HSD11B1: variants seen among roughly 807,000 people sequenced by gnomAD.
HSD11B1 encodes the protein 11-beta-hydroxysteroid dehydrogenase 1.
A neutral mutation model predicts 22.1 loss-of-function variants in HSD11B1; 15 were observed. The observed-to-expected ratio is 0.68, with a 90% confidence interval of 0.45 to 1.04. HSD11B1 has a LOEUF of 1.04. Ranked by LOEUF, HSD11B1 falls within the 50% of genes least tolerant of loss-of-function variation. HSD11B1 has a pLI of 0.00. For missense variants in HSD11B1, 281 were observed against 357.6 expected, an observed-to-expected ratio of 0.79 and a Z score of 1.73; for synonymous variants, 122 against 125.2, an observed-to-expected ratio of 0.97 and a Z score of 0.17.
chr1:209,690,731 A>C (rs541628842), intron 1 of HSD11B1, among the ~76,000 whole-genome samples: 54 of 152,226 alleles, frequency 3.5e-4, no homozygotes, highest in African/African-American at 1.2e-3. Flanking sequence ...ATTAAACTTA[A>C]GCATTGGAAG....
At chr1:209,708,656 T>A (rs2076875728) in intron 4 of HSD11B1, among the ~76,000 whole-genome samples, 1 of 152,232 alleles carries the variant, frequency 6.6e-6, no homozygotes, top group African/African-American at 2.4e-5. Context: ...TGTAGGTGGC[T>A]TTAATGATTT....
intron 1 of HSD11B1, among the ~76,000 whole-genome samples, chr1:209,688,541 T>G (rs1267083141): frequency 6.6e-6 from 1 of 152,218 alleles, no homozygotes; most frequent in African/African-American, 2.4e-5. Flanking sequence ...GTAAGTATTT[T>G]TTTAAATGGA....
intron 1 of HSD11B1, among the ~76,000 whole-genome samples, chr1:209,697,883 C>CTTTTTTTTTTT (rs1558187212): frequency 9.6e-4 from 21 of 21,906 alleles, no homozygotes; most frequent in Admixed American, 1.7e-3. Context: ...TTTGTTTTTT[C>CTTTTTTTTTTT]CTTTTTTTTT....
intron 4 of HSD11B1, among the ~76,000 whole-genome samples, chr1:209,722,110 T>C (rs2076970633): frequency 6.6e-6 from 1 of 152,162 alleles, no homozygotes; most frequent in South Asian, 2.1e-4. Context: ...CCTTCAACTG[T>C]GGATGTTCTT....
intron 4 of HSD11B1, among the ~76,000 whole-genome samples, chr1:209,719,019 C>CAAAAAA (rs56342028): frequency 4.8e-4 from 17 of 35,704 alleles, no homozygotes; most frequent in Non-Finnish European, 3.2e-4. Context: ...GACTCCATCT[C>CAAAAAA]AAAAAAAAAA....
intron 1 of HSD11B1, among the ~76,000 whole-genome samples, chr1:209,687,869 G>C (rs1218346020): frequency 1.3e-5 from 2 of 152,214 alleles, no homozygotes; most frequent in Non-Finnish European, 2.9e-5. Flanking sequence ...TAACTGTTAG[G>C]AGACTAGGGA....
chr1:209,695,525 A>T (rs2076785563), intron 1 of HSD11B1, among the ~76,000 whole-genome samples: 1 of 152,156 alleles, frequency 6.6e-6, no homozygotes, highest in Non-Finnish European at 1.5e-5. Flanking sequence ...AAAAAGTTAA[A>T]CATGGCTGGG....
intron 4 of HSD11B1, among the ~76,000 whole-genome samples, chr1:209,731,096 T>A (rs182105783): frequency 6.6e-6 from 1 of 152,142 alleles, no homozygotes; most frequent in African/African-American, 2.4e-5. Context: ...CCGTAATAGC[T>A]GGAATGCAAA....
chr1:209,687,741 G>A (rs12565406), intron 1 of HSD11B1, among the ~76,000 whole-genome samples: 15 of 152,224 alleles, frequency 9.9e-5, no homozygotes, highest in South Asian at 6.2e-4. Flanking sequence ...CATAAACACC[G>A]CAGCTGCTGA....
chr1:209,693,322 T>C (rs959889367), intron 1 of HSD11B1, among the ~76,000 whole-genome samples: 1 of 152,196 alleles, frequency 6.6e-6, no homozygotes, highest in African/African-American at 2.4e-5. Context: ...AAATGAAAGG[T>C]ATATGCTGTG....
At chr1:209,699,203 T>TTCCTAAAATCAGA (rs1261704874) in intron 1 of HSD11B1, among the ~76,000 whole-genome samples, 18 of 151,946 alleles carry the variant, frequency 1.2e-4, no homozygotes, top group African/African-American at 3.9e-4. Flanking sequence ...CAGCTGTGAG[T>TTCCTAAAATCAGA]TCTGAGGAAC....
upstream of HSD11B1, among the ~76,000 whole-genome samples, chr1:209,702,633 C>T (rs1242926149): frequency 1.3e-5 from 2 of 152,170 alleles, no homozygotes; most frequent in African/African-American, 2.4e-5. Flanking sequence ...GCCCTGAATG[C>T]TAATGGAATG....
At chr1:209,717,323 CA>C (rs1235173135) in intron 4 of HSD11B1, among the ~76,000 whole-genome samples, 8 of 152,074 alleles carry the variant, frequency 5.3e-5, no homozygotes, top group African/African-American at 1.9e-4. Flanking sequence ...CATCACTAAT[CA>C]TTAAGAAAAT....
rs1252737253 is a variant in HSD11B1 at position 209,734,477 on chromosome 1, C to A, written c.835C>A (p.Leu279Ile). The stretch of plus-strand genomic sequence containing the variant: ...TCCATGCAGGAAGATCCTGGAATTT[C>A]TCTACTCAACGAGCTATAATATGGA... Reference protein sequence around the residue: ...RNPCRKILEFLYSTSYNMDRF... With the variant: ...RNPCRKILEFIYSTSYNMDRF... Residue 279 changes from leucine to isoleucine, a missense_variant, in exon 6 of 6, where the codon CTC (leucine) becomes ATC (isoleucine). Transcript: ENST00000367027. 6.2e-7 allele frequency: 1 copy of A among 1,614,076 alleles called. No homozygotes were observed. Among genetic ancestry groups the A allele is most frequent in the East Asian group, 2.2e-5 (1 of 44,874 alleles).
intron 4 of HSD11B1, among the ~76,000 whole-genome samples, chr1:209,707,749 C>T (rs934248816): frequency 6.6e-6 from 1 of 152,162 alleles, no homozygotes; most frequent in African/African-American, 2.4e-5. Context: ...TACAGCTTGT[C>T]CTGGTCCTAA....
At chr1:209,707,676 TATTGGAAGCCTGA>T (rs2076868941) in intron 4 of HSD11B1, among the ~76,000 whole-genome samples, 1 of 149,748 alleles carries the variant, frequency 6.7e-6, no homozygotes, top group Admixed American at 6.6e-5. Flanking sequence ...TCAGAGTGCC[TATTGGAAGCCTGA>T]ATTGTTTTCT....
chr1:209,693,509 G>T (rs1052451055), intron 1 of HSD11B1, among the ~76,000 whole-genome samples: 1 of 152,174 alleles, frequency 6.6e-6, no homozygotes, highest in South Asian at 2.1e-4. Context: ...AGAAGGCAAG[G>T]ATTCAATATC....
chr1:209,726,883 G>A (rs1296370455), intron 4 of HSD11B1, among the ~76,000 whole-genome samples: 1 of 152,120 alleles, frequency 6.6e-6, no homozygotes, highest in Admixed American at 6.5e-5. Flanking sequence ...TCTTGCTTCT[G>A]TATCTCTGTT....
intron 4 of HSD11B1, among the ~76,000 whole-genome samples, chr1:209,729,363 AACACAC>A (rs34574844): frequency 1.2e-4 from 17 of 146,436 alleles, no homozygotes; most frequent in African/African-American, 2.5e-4. Context: ...TGCCTCGGAA[AACACAC>A]ACACACACAC....
Sources: gnomAD v4.1 joint callset for allele counts (sites outside exome capture counted in the v4.1 genomes callset) on GRCh38, gnomAD v4.1.1 for gene constraint, MANE v1.5 for transcripts, NCBI Gene and HGNC (gene_info 2026-07-23, HGNC 2026-07-21) for gene names.